The following DPP6 variants were observed in gnomAD, a reference collection of about 807,000 sequenced individuals.
The protein encoded by DPP6 is dipeptidyl peptidase like 6.
DPP6 carries 69 observed loss-of-function variants against 122.6 expected under a neutral mutation model. The ratio of observed to expected loss-of-function variants is 0.56; its 90% CI spans 0.46 to 0.69. DPP6 has a LOEUF of 0.69. Among genes scored for constraint, DPP6 ranks in the 30% least tolerant of loss-of-function variants. DPP6 has a pLI of 0.00. For missense variants in DPP6, 928 were observed against 1,116.9 expected, an observed-to-expected ratio of 0.83 and a Z score of 2.41; for synonymous variants, 418 against 433.1, an observed-to-expected ratio of 0.97 and a Z score of 0.43.
At chr7:153,875,671 G>C in the DPP6 span, among the ~76,000 whole-genome samples, 1 of 151,750 alleles carries the variant, frequency 6.6e-6, no homozygotes, top group South Asian at 2.1e-4. Flanking sequence ...TTGAATTTAT[G>C]GGGTAAACAC....
At chr7:154,129,641 T>G (rs1469811637) in intron 1 of DPP6, among the ~76,000 whole-genome samples, 3 of 152,230 alleles carry the variant, frequency 2.0e-5, no homozygotes, top group Non-Finnish European at 4.4e-5. Flanking sequence ...GGCTTACGCC[T>G]GTAATCCCAG....
intron 1 of DPP6, among the ~76,000 whole-genome samples, chr7:154,227,167 AG>A (rs1275783273): frequency 6.9e-6 from 1 of 145,462 alleles, no homozygotes; most frequent in Non-Finnish European, 1.5e-5. Flanking sequence ...TGAGATGTGG[AG>A]ACCACCTAAA....
At chr7:154,583,542 C>T (rs528850942) in intron 5 of DPP6, among the ~76,000 whole-genome samples, 24 of 152,258 alleles carry the variant, frequency 1.6e-4, no homozygotes, top group Admixed American at 3.9e-4. Context: ...TAACCTACTA[C>T]GGCAACTACT....
At chr7:154,623,607 A>C (rs202232512) in intron 5 of DPP6, among the ~76,000 whole-genome samples, 2 of 94,566 alleles carry the variant, frequency 2.1e-5, no homozygotes, top group Admixed American at 1.0e-4. Context: ...ACGCTGACAC[A>C]CACGCACGTA....
chr7:154,847,646 G>C (rs1345168742), intron 16 of DPP6, among the ~76,000 whole-genome samples: 1 of 152,026 alleles, frequency 6.6e-6, no homozygotes, highest in Non-Finnish European at 1.5e-5. Context: ...GTCACTTCAC[G>C]CATTTATCAT....
chr7:153,828,207 C>T, the DPP6 span, among the ~76,000 whole-genome samples: 1 of 152,144 alleles, frequency 6.6e-6, no homozygotes, highest in Non-Finnish European at 1.5e-5. Flanking sequence ...AGAGGGCCTG[C>T]AAAACAGGAC....
chr7:154,252,836 C>T (rs1008165566), intron 1 of DPP6, among the ~76,000 whole-genome samples: 5 of 152,356 alleles, frequency 3.3e-5, no homozygotes, highest in African/African-American at 1.2e-4. Flanking sequence ...TGAGATCCAT[C>T]TGTCCCTAGA....
chr7:154,168,341 A>G (rs534624680), intron 1 of DPP6, among the ~76,000 whole-genome samples: 2 of 152,350 alleles, frequency 1.3e-5, no homozygotes, highest in East Asian at 3.9e-4. Flanking sequence ...GGCCACAGAG[A>G]CAGACAGACA....
intron 1 of DPP6, among the ~76,000 whole-genome samples, chr7:153,973,188 C>A (rs2628902): frequency 0.015 from 2,301 of 151,456 alleles, 63 homozygotes; most frequent in African/African-American, 0.052. Flanking sequence ...TCTGCTTTCT[C>A]GTTGTTGGTA....
intron 1 of DPP6, among the ~76,000 whole-genome samples, chr7:154,295,984 A>G (rs9640199): frequency 0.34 from 48,262 of 140,856 alleles, 9,695 homozygotes; most frequent in East Asian, 0.63. Flanking sequence ...TCTCTCTGTC[A>G]CCCAGGCTGG....
rs111517044 is a variant in DPP6 at position 154,809,677 on chromosome 7, A to C, written c.1666+2565A>C. On this transcript the variant is annotated intron_variant, in intron 16 of 25. Coordinates refer to ENST00000377770, the MANE Select transcript of DPP6 (RefSeq NM_130797.4). ...GCACATTCTGAGGCTGTGTTTCAAGATGAAAGGTAACACATACGCAGCTTG... is the reference window on the plus strand; with the variant it reads ...GCACATTCTGAGGCTGTGTTTCAAGCTGAAAGGTAACACATACGCAGCTTG... Among the ~76,000 whole-genome samples the C allele has an allele frequency of 4.4e-3, 669 of 152,314 alleles. 2 individuals are homozygous for C. Among genetic ancestry groups the C allele is most frequent in the African/African-American group, 0.015 (632 of 41,570 alleles).
chr7:153,938,950 C>G (rs575617270), intron 1 of DPP6, among the ~76,000 whole-genome samples: 5 of 152,218 alleles, frequency 3.3e-5, no homozygotes, highest in Admixed American at 2.6e-4. Context: ...CACAAAAGTA[C>G]TTTTTCAAAT....
the DPP6 span, among the ~76,000 whole-genome samples, chr7:153,781,752 G>C: frequency 4.6e-5 from 7 of 151,974 alleles, no homozygotes; most frequent in African/African-American, 1.7e-4. Context: ...CCACTCCTAT[G>C]AACTTGCCTC....
intron 5 of DPP6, among the ~76,000 whole-genome samples, chr7:154,583,031 T>C (rs1586678812): frequency 6.6e-6 from 1 of 152,244 alleles, no homozygotes; most frequent in East Asian, 1.9e-4. Flanking sequence ...AAACACCTGC[T>C]CTTGATGGGG....
chr7:154,779,713 T>C (rs989346939), intron 10 of DPP6, among the ~76,000 whole-genome samples: 1 of 152,194 alleles, frequency 6.6e-6, no homozygotes, highest in Non-Finnish European at 1.5e-5. Flanking sequence ...CATCTGGATG[T>C]TGGGGTTGTT....
At chr7:154,055,541 T>A (rs968816414) in intron 1 of DPP6, 19 of 151,640 alleles carry the variant, frequency 1.3e-4, no homozygotes, top group Non-Finnish European at 2.1e-4. Context: ...TCTAGAGTAA[T>A]CATTTTGCTA....
chr7:154,811,286 G>A (rs915476577), intron 16 of DPP6, among the ~76,000 whole-genome samples: 1 of 152,202 alleles, frequency 6.6e-6, no homozygotes, highest in Admixed American at 6.5e-5. Context: ...TTTGAACCTG[G>A]AAGCAGTTAC....
intron 1 of DPP6, among the ~76,000 whole-genome samples, chr7:153,976,920 G>A (rs1796334591): frequency 6.6e-6 from 1 of 152,170 alleles, no homozygotes. Flanking sequence ...GCCTTGCCAC[G>A]CGGCTCTGTG....
At chr7:154,526,577 A>T (rs895128380) in intron 3 of DPP6, among the ~76,000 whole-genome samples, 3 of 152,200 alleles carry the variant, frequency 2.0e-5, no homozygotes, top group African/African-American at 7.2e-5. Flanking sequence ...ATTAATTTTA[A>T]TATTAATGGA....
Sources: allele counts gnomAD v4.1 joint callset (sites outside exome capture counted in the v4.1 genomes callset), GRCh38; gene constraint gnomAD v4.1.1; transcripts MANE v1.5; gene names NCBI Gene and HGNC (gene_info 2026-07-23, HGNC 2026-07-21).